UTP25: variants seen among roughly 807,000 people sequenced by gnomAD.
UTP25 encodes the protein U3 small nucleolar RNA-associated protein 25 homolog.
In UTP25, 50 loss-of-function variants were observed where a neutral mutation model predicts 78.9. The ratio of observed to expected loss-of-function variants is 0.63; its 90% CI spans 0.50 to 0.80. The LOEUF is 0.80. Ranked by LOEUF, UTP25 falls within the 30% of genes least tolerant of loss-of-function variation. The probability of loss-of-function intolerance (pLI) is 0.00; values close to 1 mark genes in which losing one functional copy is unlikely to be tolerated. For missense variants in UTP25, 846 were observed against 911.3 expected, an observed-to-expected ratio of 0.93 and a Z score of 0.92; for synonymous variants, 329 against 336.5, an observed-to-expected ratio of 0.98 and a Z score of 0.24.
chr1:209,839,252 G>A (rs2078152770), intron 7 of UTP25, 124 bp downstream of exon 7: 1 of 913,868 alleles, frequency 1.1e-6, no homozygotes, highest in Non-Finnish European at 1.6e-6. Flanking sequence ...GAACCAGTGT[G>A]CCTTTGAGAC....
intron 1 of UTP25, 73 bp downstream of exon 1, chr1:209,828,243 A>G: frequency 3.6e-6 from 4 of 1,117,066 alleles, no homozygotes; most frequent in African/African-American, 1.5e-5. Context: ...GGTCTCCCAG[A>G]TAGTGCTGCT....
rs754989555 is a variant in UTP25, at chr1:209,851,183, CTT to C, written c.2028-19_2028-18del. The stretch of plus-strand genomic sequence containing the variant: ...ACTTGTTTCTCAAGTTGACATAGCT[CTT>C]TCTTTCCAATTCTGACAGGTATACA... On this transcript the variant is annotated intron_variant, in intron 11 of 11. Coordinates refer to ENST00000491415, the MANE Select transcript of UTP25 (RefSeq NM_014388.7). 6 of 1,602,024 alleles carry C rather than the reference CTT, an allele frequency of 3.7e-6. No individual in the cohort carries two copies. The highest frequency in any genetic ancestry group is 1.3e-5 in the African/African-American group (1 of 74,292).
rs781269517 is a variant in UTP25 at position 209,851,348 on chromosome 1, T to C, written c.2172T>C (p.Tyr724=). The C allele has an allele frequency of 1.2e-6, 2 of 1,614,180 alleles. No individual in the cohort carries two copies. The highest frequency in any genetic ancestry group is 1.7e-6 in the Non-Finnish European group (2 of 1,180,020). The change falls in exon 12 of 12, where the codon TAT becomes TAC. Residue 724 remains tyrosine (Y), a synonymous_variant. Transcript: ENST00000491415. ...CCTGCACTGTTCTCTACTCCAAATA[T>C]GATGCCCAGAGGTTAGCTGCCGTGG... ...TWTCTVLYSK[Y]DAQRLAAVVG...
Position 209,843,708 on chromosome 1 carries a change from C to A in UTP25, c.2027+12C>A. On this transcript the variant is annotated intron_variant, in intron 11 of 11. Coordinates refer to ENST00000491415, the MANE Select transcript of UTP25 (RefSeq NM_014388.7). ...CATTTCTACAAAAGGTAAAGTGGTG[C>A]CAGGTTTCAAGCCTCCTCTCTGAAG... The A allele has an allele frequency of 6.2e-7, 1 of 1,609,818 alleles. No homozygotes were observed. Among genetic ancestry groups the A allele is most frequent in the Middle Eastern group, 1.7e-4 (1 of 6,028 alleles).
chr1:209,840,884 CTA>C lies in UTP25; in HGVS notation c.1316_1317del (p.Tyr439CysfsTer31), dbSNP rs1390528741. 4 of 1,612,980 alleles carry C rather than the reference CTA, an allele frequency of 2.5e-6. No individual in the cohort carries two copies. The highest frequency in any genetic ancestry group is 1.3e-5 in the African/African-American group (1 of 74,878). On this transcript the variant is annotated frameshift_variant, in exon 8 of 12. Coordinates refer to ENST00000491415, the MANE Select transcript of UTP25 (RefSeq NM_014388.7). LOFTEE classifies it high-confidence loss of function. ...CAATACTTCAGAGAAGCATCCGACT[CTA>C]TGCCCCGTTTTACTCCTCGGATATC... Reference protein sequence around the residue: ...VAILQRSIRLYAPFYSSDILI... With the variant: ...VAILQRSIRLXAPFYSSDILI...
intron 5 of UTP25, 116 bp downstream of exon 5, chr1:209,835,279 A>G: frequency 2.4e-6 from 2 of 837,302 alleles, no homozygotes; most frequent in South Asian, 1.5e-5. Flanking sequence ...AGATGGCTTG[A>G]TAGGGAAGCA....
At chr1:209,830,497 A>G (rs2078097011) in intron 2 of UTP25, among the ~76,000 whole-genome samples, 1 of 101,086 alleles carries the variant, frequency 9.9e-6, no homozygotes, top group South Asian at 2.8e-4. Flanking sequence ...TATTACAACA[A>G]ACTAAAAAAA....
chr1:209,829,253 G>T (rs1314377520), intron 1 of UTP25, among the ~76,000 whole-genome samples: 1 of 152,174 alleles, frequency 6.6e-6, no homozygotes, highest in Non-Finnish European at 1.5e-5. Flanking sequence ...CGCTCTTCTA[G>T]CCATTTGAAA....
chr1:209,836,903 C>G lies in UTP25; in HGVS notation c.754C>G (p.Pro252Ala). 6.2e-7 allele frequency: 1 copy of G among 1,614,098 alleles called. No homozygotes were observed. The change falls in exon 6 of 12, where the codon CCT (proline) becomes GCT (alanine). Residue 252 changes from proline (P) to alanine (A), a missense_variant. Physicochemically the swap from Pro to Ala is conservative, Grantham distance 27. Coordinates refer to ENST00000491415, the MANE Select transcript of UTP25 (RefSeq NM_014388.7). ...CTTAAAGTCACTTCATCTCCAGAAGCCTCTGGAATCCACCTGGACTAAGAC... is the reference window on the plus strand; with the variant it reads ...CTTAAAGTCACTTCATCTCCAGAAGGCTCTGGAATCCACCTGGACTAAGAC... ...IDLKSLHLQKPLESTWTKTNS... is the reference protein window; with the variant it reads ...IDLKSLHLQKALESTWTKTNS...
chr1:209,848,214 G>A (rs1163261196), intron 11 of UTP25, among the ~76,000 whole-genome samples: 1 of 152,208 alleles, frequency 6.6e-6, no homozygotes, highest in Non-Finnish European at 1.5e-5. Flanking sequence ...GCAGTTTGGG[G>A]ATGACTGATT....
Position 209,835,090 on chromosome 1 carries a change from A to G in UTP25, c.578A>G (p.His193Arg), listed in dbSNP as rs2078125824. ...TCTGAATTAGATCCATTTCTTCAAC[A>G]TGTGAACAAAGAACTGAAAGAAAAA... The part of the protein sequence containing the change: ...LKASQDPFLQ[H>R]VNKELKEKAI... Residue 193 changes from histidine (H) to arginine (R), a missense_variant, in exon 5 of 12, where the codon CAT becomes CGT. Physicochemically the swap from His to Arg is conservative, Grantham distance 29. Coordinates refer to ENST00000491415, the MANE Select transcript of UTP25 (RefSeq NM_014388.7). The G allele has an allele frequency of 6.2e-7, 1 of 1,613,400 alleles. No homozygotes were observed. The highest frequency in any genetic ancestry group is 8.5e-7 in the Non-Finnish European group (1 of 1,179,506).
chr1:209,842,338 G>T lies in UTP25; in HGVS notation c.1559G>T (p.Ser520Ile), dbSNP rs781090853. The change falls in exon 9 of 12, where the codon AGC becomes ATC. Residue 520 changes from serine to isoleucine, a missense_variant. Coordinates refer to ENST00000491415, the MANE Select transcript of UTP25 (RefSeq NM_014388.7). ...GACTTTTCTCGAGTGCGGATGTGGA[G>T]CCTCAATAATTGGTCCAAGTACTAT... ...GVDFSRVRMW[S>I]LNNWSKYYRQ... 6.2e-7 allele frequency: 1 copy of T among 1,614,118 alleles called. No homozygotes were observed. The highest frequency in any genetic ancestry group is 8.5e-7 in the Non-Finnish European group (1 of 1,179,976).
At chr1:209,846,235 G>A (rs1276683090) in intron 11 of UTP25, among the ~76,000 whole-genome samples, 1 of 152,182 alleles carries the variant, frequency 6.6e-6, no homozygotes, top group Non-Finnish European at 1.5e-5. Context: ...ATGTTAGGAA[G>A]ATTAGAATTC....
Position 209,842,620 on chromosome 1 carries a change from G to C in UTP25, c.1706G>C (p.Ser569Thr). The change falls in exon 10 of 12, where the codon AGT (serine) becomes ACT (threonine). Residue 569 changes from serine to threonine, a missense_variant. Coordinates refer to ENST00000491415, the MANE Select transcript of UTP25 (RefSeq NM_014388.7). ...AATGTCCCAATGACAGGCTCTATCA[G>C]TCATGTCCTGGTGCAGCTCCCACAT... ...VRNVPMTGSISHVLVQLPHVF... is the reference protein window; with the variant it reads ...VRNVPMTGSITHVLVQLPHVF... The C allele has an allele frequency of 6.2e-7, 1 of 1,613,956 alleles. No individual in the cohort carries two copies. The highest frequency in any genetic ancestry group is 1.1e-5 in the South Asian group (1 of 91,024).
chr1:209,833,866 G>T (rs910898460), intron 4 of UTP25, among the ~76,000 whole-genome samples: 17 of 152,104 alleles, frequency 1.1e-4, no homozygotes, highest in Non-Finnish European at 1.0e-4. Context: ...CAGTCACGTG[G>T]TCAAGACGTG....
chr1:209,854,790 T>C lies in UTP25; in HGVS notation c.*3343T>C, dbSNP rs541882178. On this transcript the variant is annotated 3_prime_UTR_variant, in exon 12 of 12. Coordinates refer to ENST00000491415, the MANE Select transcript of UTP25 (RefSeq NM_014388.7). ...TGCAGGGGCCTGAGGTGCCCAAAGCTTCGTGGAAAAGTAATGTCAGTGGAA... is the reference window on the plus strand; with the variant it reads ...TGCAGGGGCCTGAGGTGCCCAAAGCCTCGTGGAAAAGTAATGTCAGTGGAA... 3 of 152,306 alleles carry C rather than the reference T, an allele frequency of 2.0e-5. No homozygotes were observed. In the South Asian group the frequency reaches 6.2e-4, roughly 32 times the overall value. 9.4% of individuals were successfully genotyped at this position (152,306 alleles called of 1,614,324 possible).
intron 1 of UTP25, among the ~76,000 whole-genome samples, chr1:209,828,385 C>T (rs1439295617): frequency 6.7e-6 from 1 of 148,766 alleles, no homozygotes; most frequent in Non-Finnish European, 1.5e-5. Flanking sequence ...GAGGCACGCC[C>T]GTTGTGTGGG....
intron 1 of UTP25, among the ~76,000 whole-genome samples, chr1:209,829,832 C>T (rs973300315): frequency 6.6e-6 from 1 of 152,028 alleles, no homozygotes; most frequent in African/African-American, 2.4e-5. Flanking sequence ...ACATGAACCC[C>T]GAAATCTTTT....
In UTP25 at chr1:209,854,044, A is replaced by C. The variant is rs564732453; in HGVS notation, c.*2597A>C. ...TCTCTGCAATGGTTTTATTAAAAGG[A>C]TGCCTTGAAGATCTGGTCTCTCTCA... On this transcript the variant is annotated 3_prime_UTR_variant, in exon 12 of 12. Coordinates refer to ENST00000491415, the MANE Select transcript of UTP25 (RefSeq NM_014388.7). 6.6e-6 allele frequency: 1 copy of C among 152,302 alleles called. No individual in the cohort carries two copies. The highest frequency in any genetic ancestry group is 6.5e-5 in the Admixed American group (1 of 15,304). The allele number at this position is 152,302 out of a possible 1,614,324, so 9.4% of individuals were successfully genotyped here.
Sources: allele counts gnomAD v4.1 joint callset (sites outside exome capture counted in the v4.1 genomes callset), GRCh38; gene constraint gnomAD v4.1.1; transcripts MANE v1.5; gene names NCBI Gene and HGNC (gene_info 2026-07-23, HGNC 2026-07-21).